SATB2: variants seen among roughly 807,000 people sequenced by gnomAD.
SATB2 encodes SATB homeobox 2, also known as DNA-binding protein SATB2.
Under a neutral mutation model 73.4 loss-of-function variants are expected in SATB2, and 1 was observed. The observed-to-expected ratio is 0.01, with a 90% CI of 0.00 to 0.06. SATB2 has a LOEUF of 0.06. SATB2 is among the 10% of genes least tolerant of loss of function. The pLI is 1.00. For synonymous variants in SATB2, 397 were observed against 367.0 expected (o/e 1.08, Z -0.93); for missense variants, 459 against 945.8 (o/e 0.49, Z 6.75).
intron 2 of SATB2, among the ~76,000 whole-genome samples, chr2:199,451,893 G>C (rs944666060): frequency 2.6e-5 from 4 of 152,032 alleles, no homozygotes; most frequent in Admixed American, 6.6e-5. Context: ...TTATGTTCTT[G>C]AAAGGGCTGC....
chr2:199,277,510 A>C (rs182256811), intron 10 of SATB2, among the ~76,000 whole-genome samples: 1 of 152,258 alleles, frequency 6.6e-6, no homozygotes, highest in Admixed American at 6.5e-5. Context: ...CTATCAACTC[A>C]TCCTATTTCT....
At chr2:199,351,488 A>G (rs1688817872) in intron 6 of SATB2, among the ~76,000 whole-genome samples, 1 of 152,116 alleles carries the variant, frequency 6.6e-6, no homozygotes, top group Non-Finnish European at 1.5e-5. Context: ...CCTTTCCTTC[A>G]TAAGGTTAAG....
At chr2:199,469,514 A>AG (rs1159772855), upstream of SATB2, 1 of 150,588 alleles carries the variant, frequency 6.6e-6, no homozygotes, top group Non-Finnish European at 1.5e-5. Context: ...CAACCAAAAA[A>AG]GAAAAGAAGA....
upstream of SATB2, chr2:199,467,408 C>G (rs1193483763): frequency 6.6e-6 from 1 of 152,290 alleles, no homozygotes; most frequent in Non-Finnish European, 1.5e-5. Context: ...CCCCCCAACT[C>G]TCAGCCTTAG....
intron 2 of SATB2, among the ~76,000 whole-genome samples, chr2:199,452,821 G>A (rs1692166118): frequency 6.6e-6 from 1 of 151,546 alleles, no homozygotes. Context: ...ATACACATCT[G>A]AGCACTTACA....
chr2:199,287,710 C>T (rs576341471), intron 10 of SATB2, among the ~76,000 whole-genome samples: 2 of 152,020 alleles, frequency 1.3e-5, no homozygotes, highest in East Asian at 1.9e-4. Context: ...ACTCCATGGT[C>T]GTATATCAAA....
intron 2 of SATB2, among the ~76,000 whole-genome samples, chr2:199,440,328 C>T (rs946404195): frequency 2.6e-5 from 4 of 152,342 alleles, no homozygotes; most frequent in African/African-American, 9.6e-5. Context: ...CATTCCACTC[C>T]AGCCTCCTAC....
rs551274877 is a variant in SATB2 at position 199,313,380 on chromosome 2, G to A, written c.1543-4423C>T. On this transcript the variant is annotated intron_variant, in intron 9 of 10. Transcript: ENST00000417098. ...AATTAAAACTTTACCTTCAAAATCTGAATCCAGAGAAGGAATCTATTAATA... is the reference window on the plus strand; with the variant it reads ...AATTAAAACTTTACCTTCAAAATCTAAATCCAGAGAAGGAATCTATTAATA... 2.6e-5 allele frequency among the ~76,000 whole-genome samples: 4 copies of A among 152,264 alleles called. No homozygotes were observed. The East Asian group carries it at 7.7e-4, about 29-fold the overall frequency.
At chr2:199,372,706 C>G (rs1022669382) in intron 5 of SATB2, among the ~76,000 whole-genome samples, 45 of 152,262 alleles carry the variant, frequency 3.0e-4, no homozygotes, top group African/African-American at 1.0e-3. Context: ...TCAGCGACCC[C>G]AAGCTCAACA....
chr2:199,305,807 T>C (rs16831252), intron 10 of SATB2, among the ~76,000 whole-genome samples: 21,311 of 152,082 alleles, frequency 0.14, 1,842 homozygotes, highest in East Asian at 0.47. Flanking sequence ...TTACCATATA[T>C]GAAAAATTTG....
At chr2:199,327,776 G>T (rs996404989) in intron 8 of SATB2, among the ~76,000 whole-genome samples, 1 of 152,090 alleles carries the variant, frequency 6.6e-6, no homozygotes, top group Admixed American at 6.6e-5. Flanking sequence ...TCTGTGGGGA[G>T]ATCATCCTAG....
At chr2:199,276,407 A>G (rs1692314396) in intron 10 of SATB2, among the ~76,000 whole-genome samples, 1 of 152,160 alleles carries the variant, frequency 6.6e-6, no homozygotes, top group Admixed American at 6.5e-5. Flanking sequence ...CATCTTCTAA[A>G]TTCCCTGTTA....
At chr2:199,450,710 T>G (rs887923031) in intron 2 of SATB2, among the ~76,000 whole-genome samples, 3 of 152,040 alleles carry the variant, frequency 2.0e-5, no homozygotes, top group African/African-American at 7.2e-5. Context: ...TATACACATA[T>G]GCTGATTCTA....
intron 3 of SATB2, among the ~76,000 whole-genome samples, chr2:199,388,081 A>G (rs1026121): frequency 0.92 from 139,355 of 152,222 alleles, 65,049 homozygotes; most frequent in East Asian, 1. Flanking sequence ...TACACATTAT[A>G]GTCGATCAAT....
rs1287891308 is a variant in SATB2 at position 199,385,288 on chromosome 2, C to A, written c.347-3468G>T. ...TAGTTGGGACTACAGGTATATGCCACCACACCTGGCTAAGTTTTGTATTTT... is the reference window on the plus strand; with the variant it reads ...TAGTTGGGACTACAGGTATATGCCAACACACCTGGCTAAGTTTTGTATTTT... On this transcript the variant is annotated intron_variant, in intron 3 of 10. Coordinates refer to ENST00000417098, the MANE Select transcript of SATB2 (RefSeq NM_001172509.2). Among the ~76,000 whole-genome samples, 6 of 152,262 alleles carry A rather than the reference C, an allele frequency of 3.9e-5. No individual in the cohort carries two copies. In the East Asian group the frequency reaches 1.2e-3, roughly 29 times the overall value.
rs1692533305 is a variant in SATB2 at position 199,463,791 on chromosome 2, A to T, written c.-141+1045T>A. ...CCCAACCCCTTGAAATGAAAAGTAC[A>T]CCTGGAAAGCCCAAGATAGCACCCG... is the stretch of plus-strand genomic sequence containing the variant. On this transcript the variant is annotated intron_variant, in intron 1 of 11. Transcript: ENST00000260926. This position sits in a 1 kb window ranked among gnomAD's most constrained non-coding sequence, Gnocchi z 6.4. Among the ~76,000 whole-genome samples, 1 of 152,076 alleles carries T rather than the reference A, an allele frequency of 6.6e-6. No homozygotes were observed.
Position 199,348,803 on chromosome 2 carries a change from G to C in SATB2, c.1071C>G (p.Ser357=). The change falls in exon 7 of 11, where the codon TCC becomes TCG. Residue 357 remains serine, a synonymous_variant. Coordinates refer to ENST00000417098, the MANE Select transcript of SATB2 (RefSeq NM_001172509.2). ...RAVKPEPTNS[S]VEVSPDIYQQ... is the part of the protein sequence containing the mutation. ...GGTAGATATCTGGAGAGACTTCCAC[G>C]GAAGAGTTGGTTGGCTCTGGCTTAA... 1 of 1,612,390 alleles carries C rather than the reference G, an allele frequency of 6.2e-7. No homozygotes were observed. Among genetic ancestry groups the C allele is most frequent in the Non-Finnish European group, 8.5e-7 (1 of 1,178,546 alleles).
At position 199,348,952 on chromosome 2, in the gene SATB2, T is replaced by C; in HGVS notation, c.922A>G (p.Arg308Gly). 1 of 1,614,120 alleles carries C rather than the reference T, an allele frequency of 6.2e-7. No individual in the cohort carries two copies. Among genetic ancestry groups the C allele is most frequent in the Non-Finnish European group, 8.5e-7 (1 of 1,180,012 alleles). ...AGATGGGCCATGGCTATTTGTTGCC[T>C]TACAAGTTGTGGACTAAGCTGGGGA... ...LSPQLSPQLVRQQIAMAHLIN... is the reference protein window; with the variant it reads ...LSPQLSPQLVGQQIAMAHLIN... The change falls in exon 7 of 11, where the codon AGG becomes GGG. Residue 308 changes from arginine to glycine, a missense_variant. This residue lies in a region of SATB2 where 1 missense variants were observed against 25.9 expected (regional missense o/e 0.04). Coordinates refer to ENST00000417098, the MANE Select transcript of SATB2 (RefSeq NM_001172509.2).
At chr2:199,398,868 C>T (rs1359903244) in intron 3 of SATB2, among the ~76,000 whole-genome samples, 1 of 152,010 alleles carries the variant, frequency 6.6e-6, no homozygotes, top group African/African-American at 2.4e-5. Flanking sequence ...ACTATTTTTT[C>T]TAACAGTGGG....
Sources: allele counts gnomAD v4.1 joint callset (sites outside exome capture counted in the v4.1 genomes callset), GRCh38; gene constraint gnomAD v4.1.1; regional missense constraint gnomAD v4.1.1; non-coding constraint Gnocchi (gnomAD v3.1); transcripts MANE v1.5; gene names NCBI Gene and HGNC (gene_info 2026-07-23, HGNC 2026-07-21).